Variants in PPFIA1 observed in about 807,000 individuals in gnomAD.
PPFIA1 encodes liprin-alpha-1.
A neutral mutation model predicts 149.9 loss-of-function variants in PPFIA1; 25 were observed. The ratio of observed to expected loss-of-function variants is 0.17; its 90% CI spans 0.12 to 0.23. The LOEUF (loss-of-function observed/expected upper bound fraction) is 0.23. Among genes scored for constraint, PPFIA1 ranks in the 10% least tolerant of loss-of-function variants. PPFIA1 has a pLI of 1.00. For synonymous variants in PPFIA1, 549 were observed against 552.8 expected (o/e 0.99, Z 0.10); for missense variants, 1,362 against 1,506.5 (o/e 0.90, Z 1.59).
At chr11:70,356,342 C>T (rs984100126) in intron 19 of PPFIA1, 88 bp downstream of exon 19, 11 of 940,768 alleles carry the variant, frequency 1.2e-5, no homozygotes, top group Non-Finnish European at 1.9e-5. Flanking sequence ...TAATAGCTAG[C>T]TATGTATATA....
intron 16 of PPFIA1, among the ~76,000 whole-genome samples, chr11:70,352,118 A>G (rs2056088893): frequency 6.6e-6 from 1 of 152,218 alleles, no homozygotes; most frequent in Non-Finnish European, 1.5e-5. Context: ...GTCCTCTGAC[A>G]AAAGTGTGGG....
chr11:70,382,224 A>G, intron 27 of PPFIA1, 66 bp downstream of exon 27: 1 of 1,273,834 alleles, frequency 7.9e-7, no homozygotes, highest in South Asian at 1.2e-5. Context: ...TCGGAGCTGC[A>G]GTGCCAGACT....
intron 24 of PPFIA1, 130 bp downstream of exon 24, chr11:70,375,223 GTTT>G (rs746047562): frequency 1.7e-3 from 278 of 166,640 alleles, no homozygotes; most frequent in South Asian, 2.9e-3. Context: ...CTAGTTTTTG[GTTT>G]TTTTTTTTTT....
At position 70,343,675 on chromosome 11, in the gene PPFIA1, A is replaced by G; in HGVS notation, c.1714A>G (p.Thr572Ala). ...TTGGTTTTCTTGTTTATAGGTACAAACTCTTAATGAGCAGGATTGGGAACG... is the reference window on the plus strand; with the variant it reads ...TTGGTTTTCTTGTTTATAGGTACAAGCTCTTAATGAGCAGGATTGGGAACG... ...ALRDEPSKVQ[T>A]LNEQDWERAQ... Residue 572 changes from threonine (T) to alanine (A), a missense_variant, in exon 15 of 28, where the codon ACT (threonine) becomes GCT (alanine). Thr to Ala is a moderately conservative substitution (Grantham distance 58). Transcript: ENST00000253925. 6.2e-7 allele frequency: 1 copy of G among 1,614,166 alleles called. No individual in the cohort carries two copies. Among genetic ancestry groups the G allele is most frequent in the Non-Finnish European group, 8.5e-7 (1 of 1,179,986 alleles).
At chr11:70,278,834 T>C (rs2050570599) in intron 2 of PPFIA1, 5 of 390,170 alleles carry the variant, frequency 1.3e-5, no homozygotes, top group African/African-American at 2.1e-5. Context: ...CACAGAGATA[T>C]AGTTCACTGG....
intron 25 of PPFIA1, 50 bp from the exon 26 acceptor site, chr11:70,377,980 T>A (rs1333794715): frequency 7.6e-6 from 11 of 1,444,136 alleles, no homozygotes; most frequent in Non-Finnish European, 1.1e-5. Context: ...TTTACATCTC[T>A]GACCTTTATT....
chr11:70,330,139 T>G, intron 7 of PPFIA1, 34 bp from the exon 8 acceptor site: 1 of 1,533,646 alleles, frequency 6.5e-7, no homozygotes, highest in Non-Finnish European at 8.8e-7. Context: ...GTTAATTACC[T>G]ACTTTTTTGT....
At chr11:70,300,975 A>G (rs1289343996) in intron 2 of PPFIA1, among the ~76,000 whole-genome samples, 1 of 152,202 alleles carries the variant, frequency 6.6e-6, no homozygotes, top group Non-Finnish European at 1.5e-5. Flanking sequence ...ATTTAAGGTC[A>G]TGGGTTTACT....
At position 70,361,759 on chromosome 11, in the gene PPFIA1, G is replaced by A. The variant is rs1442350101; in HGVS notation, c.2583-336G>A. Among the ~76,000 whole-genome samples the A allele has an allele frequency of 2.0e-5, 3 of 151,390 alleles. No homozygotes were observed. In the South Asian group the frequency reaches 6.3e-4, roughly 32 times the overall value. On this transcript the variant is annotated intron_variant, in intron 19 of 27. Transcript: ENST00000253925. ...GCCTCCCAAGTAGCTGAGACTACAG[G>A]CATGCGTCACCATACCTGGCTGATT...
chr11:70,331,875 T>C, intron 8 of PPFIA1, 85 bp from the exon 9 acceptor site: 1 of 1,434,084 alleles, frequency 7.0e-7, no homozygotes, highest in Non-Finnish European at 9.4e-7. Context: ...TTAGTCTGTA[T>C]CTGCATTTCA....
At chr11:70,365,265 T>G (rs2056859651) in intron 21 of PPFIA1, 2 of 381,396 alleles carry the variant, frequency 5.2e-6, no homozygotes, top group Non-Finnish European at 1.1e-5. Flanking sequence ...GAGCGAACTT[T>G]GCCTCCTCGG....
intron 19 of PPFIA1, 44 bp from the exon 20 acceptor site, chr11:70,362,051 A>ATGCC: frequency 6.3e-7 from 1 of 1,580,968 alleles, no homozygotes; most frequent in South Asian, 1.1e-5. Flanking sequence ...GTGAGCTACC[A>ATGCC]TGCCTGGCTG....
intron 19 of PPFIA1, among the ~76,000 whole-genome samples, chr11:70,357,574 GAACTGTGT>G (rs2056416056): frequency 6.6e-6 from 1 of 151,132 alleles, no homozygotes; most frequent in African/African-American, 2.4e-5. Context: ...TGCTATGCTT[GAACTGTGT>G]AAGAATTTTT....
chr11:70,290,422 T>TGAC (rs1269382638), intron 2 of PPFIA1, among the ~76,000 whole-genome samples: 1 of 152,214 alleles, frequency 6.6e-6, no homozygotes, highest in East Asian at 1.9e-4. Flanking sequence ...GAGCAATTAG[T>TGAC]GACAGTGCCT....
At chr11:70,298,879 GGTAA>G (rs1283033481) in intron 2 of PPFIA1, among the ~76,000 whole-genome samples, 1 of 152,070 alleles carries the variant, frequency 6.6e-6, no homozygotes, top group Non-Finnish European at 1.5e-5. Flanking sequence ...TAATTTAGAG[GGTAA>G]GTGTCTAGAT....
chr11:70,324,010 C>G (rs1036397331), intron 2 of PPFIA1, among the ~76,000 whole-genome samples: 1 of 152,220 alleles, frequency 6.6e-6, no homozygotes, highest in African/African-American at 2.4e-5. Context: ...TGGTGGCCTT[C>G]TAGGCCATCT....
intron 11 of PPFIA1, 141 bp downstream of exon 11, chr11:70,335,835 T>G: frequency 1.1e-6 from 1 of 940,070 alleles, no homozygotes; most frequent in African/African-American, 1.7e-5. Flanking sequence ...GGAAAAGGTA[T>G]GCACAGTTAT....
At chr11:70,314,808 C>A (rs755225333) in intron 2 of PPFIA1, among the ~76,000 whole-genome samples, 3 of 152,094 alleles carry the variant, frequency 2.0e-5, no homozygotes, top group Non-Finnish European at 4.4e-5. Flanking sequence ...TTAGTCCGTT[C>A]TCACACCGCT....
In PPFIA1 at chr11:70,370,873, T is replaced by C. The variant is rs1030453243; in HGVS notation, c.2866-1342T>C. Among the ~76,000 whole-genome samples the C allele has an allele frequency of 3.0e-4, 45 of 152,226 alleles. 1 individual carries two copies. Among genetic ancestry groups the C allele is most frequent in the Admixed American group, 2.7e-3 (41 of 15,280 alleles). On this transcript the variant is annotated intron_variant, in intron 21 of 27. Coordinates refer to ENST00000253925, the MANE Select transcript of PPFIA1 (RefSeq NM_003626.5). ...GTGGGGCAGCAGTGGCTCACGCCTG[T>C]AATCCTAGCGGTTTGGGAGGCCAAG...
Sources: gnomAD v4.1 joint callset for allele counts (sites outside exome capture counted in the v4.1 genomes callset) on GRCh38, gnomAD v4.1.1 for gene constraint, MANE v1.5 for transcripts, NCBI Gene and HGNC (gene_info 2026-07-23, HGNC 2026-07-21) for gene names.